Variants in LRP1B observed in about 807,000 individuals in gnomAD.
LRP1B encodes the protein LDL receptor related protein 1B, also known as low-density lipoprotein receptor-related protein 1B.
Under a neutral mutation model 556.6 loss-of-function variants are expected in LRP1B, and 217 were observed. The observed-to-expected ratio is 0.39, with a 90% CI of 0.35 to 0.44. The LOEUF (loss-of-function observed/expected upper bound fraction) is 0.44, where lower values mean the gene tolerates loss of function less well. Among genes scored for constraint, LRP1B ranks in the 20% least tolerant of loss-of-function variants. LRP1B has a pLI of 1.00. For missense variants in LRP1B, 5,053 were observed against 5,620.8 expected, an observed-to-expected ratio of 0.90 and a Z score of 3.23; for synonymous variants, 2,047 against 1,865.8, an observed-to-expected ratio of 1.10 and a Z score of -2.50.
At chr2:141,707,106 T>A (rs1414503542) in intron 2 of LRP1B, among the ~76,000 whole-genome samples, 5 of 152,038 alleles carry the variant, frequency 3.3e-5, no homozygotes, top group African/African-American at 1.2e-4. Context: ...ATTAGGAAAA[T>A]CAGTGTAATT....
At chr2:141,435,580 C>T (rs551509858) in intron 3 of LRP1B, among the ~76,000 whole-genome samples, 41 of 152,304 alleles carry the variant, frequency 2.7e-4, no homozygotes, top group Non-Finnish European at 1.5e-4. Context: ...TCAGGCATAA[C>T]CACCACACCC....
chr2:140,536,311 TAAAAAAAAAAAAAAAAAAAAAA>T (rs70988404), intron 46 of LRP1B, among the ~76,000 whole-genome samples: 1 of 61,872 alleles, frequency 1.6e-5, no homozygotes, highest in African/African-American at 8.1e-5. Flanking sequence ...CCCGTCTCTT[TAAAAAAAAAAAAAAAAAAAAAA>T]AAAAAAAAAG....
Position 140,776,245 on chromosome 2 carries a change from A to T in LRP1B, c.5360-7T>A. The T allele has an allele frequency of 6.4e-7, 1 of 1,568,128 alleles. No individual in the cohort carries two copies. The highest frequency in any genetic ancestry group is 8.6e-7 in the Non-Finnish European group (1 of 1,159,006). On this transcript the variant is annotated splice_region_variant and splice_polypyrimidine_tract_variant and intron_variant, in intron 32 of 90. Transcript: ENST00000389484. Reference sequence around the variant, plus strand: ...GCCCACCACAGTTTCTTATCTAGAAAAAGGAAAGATATTTTTTAAAGGAAA... The same window carrying T: ...GCCCACCACAGTTTCTTATCTAGAATAAGGAAAGATATTTTTTAAAGGAAA...
chr2:141,076,887 T>C (rs1474159028), intron 7 of LRP1B, among the ~76,000 whole-genome samples: 11 of 151,810 alleles, frequency 7.2e-5, no homozygotes, highest in Non-Finnish European at 1.5e-5. Flanking sequence ...ATATTGTTAA[T>C]TGATTGATAG....
chr2:141,740,861 AT>A (rs1693671930), intron 2 of LRP1B, among the ~76,000 whole-genome samples: 1 of 152,044 alleles, frequency 6.6e-6, no homozygotes, highest in Non-Finnish European at 1.5e-5. Context: ...GAGGATGTCC[AT>A]GTTTTTTTCC....
chr2:141,213,178 C>T (rs905715154), intron 6 of LRP1B, among the ~76,000 whole-genome samples: 1 of 151,552 alleles, frequency 6.6e-6, no homozygotes, highest in African/African-American at 2.4e-5. Flanking sequence ...TCTTGAACCC[C>T]CAGGCTGATG....
At chr2:141,136,316 T>C (rs1011686266) in intron 7 of LRP1B, among the ~76,000 whole-genome samples, 3 of 151,848 alleles carry the variant, frequency 2.0e-5, no homozygotes, top group Non-Finnish European at 2.9e-5. Flanking sequence ...TTGATTATAC[T>C]GATTCTGAAT....
At chr2:140,745,319 A>C (rs1481196104) in intron 35 of LRP1B, among the ~76,000 whole-genome samples, 1 of 152,170 alleles carries the variant, frequency 6.6e-6, no homozygotes. Context: ...GTCAATATAT[A>C]AGTCCGATTG....
intron 2 of LRP1B, among the ~76,000 whole-genome samples, chr2:141,741,808 T>C (rs1693718067): frequency 6.6e-6 from 1 of 152,202 alleles, no homozygotes; most frequent in Non-Finnish European, 1.5e-5. Context: ...ATGATCTTCT[T>C]TGTCCATTTT....
In LRP1B at chr2:141,188,561, G is replaced by C. The variant is rs201803051; in HGVS notation, c.873C>G (p.Asp291Glu). 1.2e-6 allele frequency: 2 copies of C among 1,612,298 alleles called. No individual in the cohort carries two copies. The highest frequency in any genetic ancestry group is 3.4e-5 in the Admixed American group (2 of 59,696). ...SFHNVQQMAI[D>E]WLTRNLYFVD... ...CAAAATAGAGATTTCGAGTGAGCCA[G>C]TCAATCGCCATTTGTTGCACATCTG... The change falls in exon 7 of 91, where the codon GAC (aspartate) becomes GAG (glutamate). Residue 291 changes from aspartate to glutamate, a missense_variant. Transcript: ENST00000389484.
At chr2:141,819,256 CAAA>C (rs201026416) in intron 1 of LRP1B, among the ~76,000 whole-genome samples, 2,015 of 148,878 alleles carry the variant, frequency 0.014, 15 homozygotes, top group Non-Finnish European at 0.021. Context: ...AACAAACAAA[CAAA>C]AAAAAAAACA....
chr2:141,809,343 G>C (rs1040454591), intron 2 of LRP1B, among the ~76,000 whole-genome samples: 7 of 151,972 alleles, frequency 4.6e-5, no homozygotes, highest in Non-Finnish European at 8.8e-5. Flanking sequence ...ACCAATAATT[G>C]TTATTTCTAC....
At chr2:141,542,826 G>A (rs1216654124) in intron 2 of LRP1B, among the ~76,000 whole-genome samples, 24 of 152,024 alleles carry the variant, frequency 1.6e-4, no homozygotes, top group Admixed American at 1.6e-3. Flanking sequence ...TGTTAAACTA[G>A]CTTTAATTTC....
At chr2:141,633,529 G>A (rs537301670) in intron 2 of LRP1B, among the ~76,000 whole-genome samples, 1 of 152,146 alleles carries the variant, frequency 6.6e-6, no homozygotes, top group South Asian at 2.1e-4. Flanking sequence ...CCAGGAAAGT[G>A]TTTGCCTCTG....
chr2:142,067,193 A>G (rs1705138123), intron 1 of LRP1B, among the ~76,000 whole-genome samples: 1 of 151,512 alleles, frequency 6.6e-6, no homozygotes, highest in Non-Finnish European at 1.5e-5. Flanking sequence ...CAGATAATCC[A>G]GGATAAGTCT....
chr2:141,619,238 C>T (rs1688416913), intron 2 of LRP1B, among the ~76,000 whole-genome samples: 1 of 152,168 alleles, frequency 6.6e-6, no homozygotes, highest in East Asian at 1.9e-4. Context: ...TTTGCTGAAA[C>T]ACTGTCCTAC....
At chr2:141,926,382 AC>A (rs1374613856) in intron 1 of LRP1B, among the ~76,000 whole-genome samples, 1 of 152,158 alleles carries the variant, frequency 6.6e-6, no homozygotes, top group Non-Finnish European at 1.5e-5. Context: ...AGAAGGTCTG[AC>A]TTTTTTCCCC....
intron 2 of LRP1B, among the ~76,000 whole-genome samples, chr2:141,536,668 G>C (rs1174982226): frequency 6.6e-6 from 1 of 152,016 alleles, no homozygotes; most frequent in East Asian, 1.9e-4. Context: ...AGCTCCTCTA[G>C]AACTAGAGAA....
chr2:141,720,269 G>C (rs1692765295), intron 2 of LRP1B, among the ~76,000 whole-genome samples: 1 of 152,062 alleles, frequency 6.6e-6, no homozygotes, highest in Admixed American at 6.5e-5. Flanking sequence ...TCTTTTTATA[G>C]TTCTTCTAGA....
Sources: allele counts gnomAD v4.1 joint callset (sites outside exome capture counted in the v4.1 genomes callset), GRCh38; gene constraint gnomAD v4.1.1; transcripts MANE v1.5; gene names NCBI Gene and HGNC (gene_info 2026-07-23, HGNC 2026-07-21).